The following PHLDB2 variants were observed in gnomAD, a reference collection of about 807,000 sequenced individuals.
The protein encoded by PHLDB2 is pleckstrin homology-like domain family B member 2.
PHLDB2 carries 71 observed loss-of-function variants against 123.6 expected under a neutral mutation model. The ratio of observed to expected loss-of-function variants is 0.57; its 90% CI spans 0.47 to 0.70. The LOEUF is 0.70. PHLDB2 is among the 30% of genes least tolerant of loss of function. The pLI, the probability that PHLDB2 is intolerant of heterozygous loss-of-function variation, is 0.00. For missense variants in PHLDB2, 1,446 were observed against 1,519.5 expected (o/e 0.95, Z 0.80); for synonymous variants, 547 against 541.6 (o/e 1.01, Z -0.14).
chr3:111,955,060 A>G (rs1383015670), intron 12 of PHLDB2, among the ~76,000 whole-genome samples: 1 of 151,612 alleles, frequency 6.6e-6, no homozygotes, highest in East Asian at 1.9e-4. Flanking sequence ...ACACACACGC[A>G]CATATATGTA....
At chr3:111,889,644 A>G (rs1302219098) in intron 2 of PHLDB2, among the ~76,000 whole-genome samples, 6 of 152,152 alleles carry the variant, frequency 3.9e-5, no homozygotes, top group African/African-American at 4.8e-5. Flanking sequence ...TGAGGCTGCA[A>G]TGAGCCATGA....
At chr3:111,945,196 T>C in intron 8 of PHLDB2, 72 bp from the exon 9 acceptor site, 1 of 1,005,740 alleles carries the variant, frequency 9.9e-7, no homozygotes, top group Non-Finnish European at 1.5e-6. Context: ...TAGTCTCTAA[T>C]GCAAAGTCAC....
chr3:111,860,620 G>C (rs769372246), intron 1 of PHLDB2, among the ~76,000 whole-genome samples: 1 of 152,188 alleles, frequency 6.6e-6, no homozygotes, highest in Non-Finnish European at 1.5e-5. Flanking sequence ...CTGTTTGAAA[G>C]AGCTTGAGAA....
chr3:111,872,932 A>C (rs2065417323), intron 1 of PHLDB2, among the ~76,000 whole-genome samples: 1 of 152,334 alleles, frequency 6.6e-6, no homozygotes, highest in Non-Finnish European at 1.5e-5. Context: ...TTTGTACCTG[A>C]TGGTAAATCT....
chr3:111,843,089 T>C (rs1483661337), intron 1 of PHLDB2, among the ~76,000 whole-genome samples: 2 of 152,250 alleles, frequency 1.3e-5, no homozygotes, highest in African/African-American at 4.8e-5. Flanking sequence ...TGAGAACATA[T>C]GTTTTCATTT....
At chr3:111,966,979 T>G (rs13095485) in intron 14 of PHLDB2, among the ~76,000 whole-genome samples, 6 of 151,418 alleles carry the variant, frequency 4.0e-5, no homozygotes, top group Non-Finnish European at 4.4e-5. Flanking sequence ...TTTTTTTTTG[T>G]TTTTTGTTTT....
chr3:111,768,994 A>G (rs1204429847), intron 1 of PHLDB2, among the ~76,000 whole-genome samples: 1 of 152,198 alleles, frequency 6.6e-6, no homozygotes, highest in Non-Finnish European at 1.5e-5. Context: ...AATGAAAACA[A>G]TGCCTTTAGT....
chr3:111,884,637 A>C lies in PHLDB2; in HGVS notation c.560A>C (p.Asp187Ala), dbSNP rs761537246. Residue 187 changes from aspartate (D) to alanine (A), a missense_variant, in exon 2 of 18, where the codon GAT (aspartate) becomes GCT (alanine). By Grantham distance (126) the Asp-to-Ala change is moderately radical (BLOSUM62 -2). Transcript: ENST00000431670. Reference protein sequence around the residue: ...LAMWNGSSLSDAGPPPISRSG... With the variant: ...LAMWNGSSLSAAGPPPISRSG... ...ATGTGGAATGGAAGTTCCCTGAGTG[A>C]TGCTGGCCCGCCTCCTATCAGCAGA... 6.2e-7 allele frequency: 1 copy of C among 1,614,148 alleles called. No homozygotes were observed. Among genetic ancestry groups the C allele is most frequent in the Non-Finnish European group, 8.5e-7 (1 of 1,180,028 alleles).
intron 10 of PHLDB2, 41 bp downstream of exon 10, chr3:111,949,116 C>A: frequency 6.2e-7 from 1 of 1,605,622 alleles, no homozygotes; most frequent in South Asian, 1.1e-5. Flanking sequence ...TGCTTTTCTT[C>A]ATGTCAGAAA....
At chr3:111,780,411 A>AGGAAG (rs61182634) in intron 1 of PHLDB2, among the ~76,000 whole-genome samples, 1 of 130,724 alleles carries the variant, frequency 7.6e-6, no homozygotes, top group Non-Finnish European at 1.7e-5. Context: ...AAGAAGAAGA[A>AGGAAG]AAAGATTAGT....
intron 3 of PHLDB2, chr3:111,916,676 A>G (rs546908270): frequency 9.2e-5 from 14 of 151,990 alleles, no homozygotes; most frequent in African/African-American, 3.4e-4. Flanking sequence ...TTTGTGAACC[A>G]CCCCCTGAGG....
At chr3:111,847,795 G>T (rs749424573) in intron 2 of PHLDB2, among the ~76,000 whole-genome samples, 3 of 152,122 alleles carry the variant, frequency 2.0e-5, no homozygotes, top group Non-Finnish European at 2.9e-5. Flanking sequence ...AGTAAATGAA[G>T]GCAAGGGGAT....
At chr3:111,782,715 TTGTC>T (rs990919770) in intron 1 of PHLDB2, among the ~76,000 whole-genome samples, 53 of 152,208 alleles carry the variant, frequency 3.5e-4, no homozygotes, top group African/African-American at 1.2e-3. Context: ...AGCTTAGGAA[TTGTC>T]TGTCTTTCTT....
intron 2 of PHLDB2, among the ~76,000 whole-genome samples, chr3:111,908,371 T>C (rs113510299): frequency 6.6e-6 from 1 of 152,198 alleles, no homozygotes; most frequent in Non-Finnish European, 1.5e-5. Flanking sequence ...GCACATGGTT[T>C]ATTAGTCATA....
At chr3:111,784,037 C>T (rs1456621016) in intron 1 of PHLDB2, among the ~76,000 whole-genome samples, 4 of 152,078 alleles carry the variant, frequency 2.6e-5, no homozygotes, top group Admixed American at 2.6e-4. Flanking sequence ...GATCACCCTG[C>T]CTGGTGTCAC....
intron 1 of PHLDB2, among the ~76,000 whole-genome samples, chr3:111,882,747 C>G (rs976104671): frequency 6.6e-6 from 1 of 152,092 alleles, no homozygotes; most frequent in Admixed American, 6.5e-5. Flanking sequence ...ACTAGGCTGC[C>G]TGAATTTGCT....
chr3:111,814,975 C>T (rs1477312070), intron 1 of PHLDB2, among the ~76,000 whole-genome samples: 6 of 152,104 alleles, frequency 3.9e-5, no homozygotes, highest in Admixed American at 2.0e-4. Flanking sequence ...ATTATGGGTG[C>T]GGGTGTTTCC....
intron 1 of PHLDB2, among the ~76,000 whole-genome samples, chr3:111,736,537 A>G (rs1158607293): frequency 1.3e-5 from 2 of 152,204 alleles, no homozygotes; most frequent in African/African-American, 4.8e-5. Flanking sequence ...TTGGGACTCC[A>G]AATTTTTTGT....
At position 111,803,190 on chromosome 3, in the gene PHLDB2, A is replaced by G. The variant is rs116313980; in HGVS notation, c.-48-42631A>G. Among the ~76,000 whole-genome samples the G allele has an allele frequency of 2.3e-3, 346 of 152,322 alleles. 3 individuals carry two copies. The highest frequency in any genetic ancestry group is 8.1e-3 in the African/African-American group (338 of 41,576). On this transcript the variant is annotated intron_variant, in intron 1 of 17. Transcript: ENST00000393923. ...AGCAGAGGATGGAAGAACACAGCAA[A>G]CAAAAGTTTCATCGTTAAGCTGTGA...
Sources: allele counts gnomAD v4.1 joint callset (sites outside exome capture counted in the v4.1 genomes callset), GRCh38; gene constraint gnomAD v4.1.1; transcripts MANE v1.5; gene names NCBI Gene and HGNC (gene_info 2026-07-23, HGNC 2026-07-21).